The following MIPOL1 variants were observed in gnomAD, a reference collection of about 807,000 sequenced individuals.
The protein encoded by MIPOL1 is mirror-image polydactyly gene 1 protein.
A neutral mutation model predicts 60.9 loss-of-function variants in MIPOL1; 57 were observed. That is an observed-to-expected ratio of 0.94 (90% CI 0.76 to 1.17). The LOEUF is 1.17. MIPOL1 is among the 50% of genes most tolerant of loss of function. The probability of loss-of-function intolerance (pLI) is 0.00; values close to 1 mark genes in which losing one functional copy is unlikely to be tolerated. For missense variants in MIPOL1, 551 were observed against 511.6 expected, an observed-to-expected ratio of 1.08 and a Z score of -0.74; for synonymous variants, 179 against 168.8, an observed-to-expected ratio of 1.06 and a Z score of -0.47.
rs138252411 is a variant in MIPOL1, at chr14:37,233,111, G to A, written c.-198-13992G>A. Among the ~76,000 whole-genome samples the A allele has an allele frequency of 7.2e-5, 11 of 152,264 alleles. No individual in the cohort carries two copies. The East Asian group carries it at 7.7e-4, about 11-fold the overall frequency. On this transcript the variant is annotated intron_variant, in intron 1 of 12. Transcript: ENST00000684589. Reference sequence around the variant, plus strand: ...CTAGTGTCACTATTTGGGGTAACACGTGTATTTTATTGTGATGAAATGCTA... The same window carrying A: ...CTAGTGTCACTATTTGGGGTAACACATGTATTTTATTGTGATGAAATGCTA...
At chr14:37,249,748 A>C (rs1353890974) in intron 3 of MIPOL1, among the ~76,000 whole-genome samples, 1 of 152,166 alleles carries the variant, frequency 6.6e-6, no homozygotes, top group East Asian at 1.9e-4. Flanking sequence ...AGCTGTGTTT[A>C]TTCATTTATT....
intron 12 of MIPOL1, among the ~76,000 whole-genome samples, chr14:37,521,436 A>T (rs1434024076): frequency 6.6e-6 from 1 of 152,134 alleles, no homozygotes; most frequent in Non-Finnish European, 1.5e-5. Flanking sequence ...GATCAAATGA[A>T]CACAATTTAT....
At chr14:37,270,613 C>A in intron 6 of MIPOL1, 88 bp downstream of exon 6, 1 of 456,702 alleles carries the variant, frequency 2.2e-6, no homozygotes, top group Non-Finnish European at 3.5e-6. Context: ...AGCATACTGG[C>A]TTATTTGCCA....
At chr14:37,515,640 T>G (rs2095363674) in intron 12 of MIPOL1, among the ~76,000 whole-genome samples, 2 of 152,192 alleles carry the variant, frequency 1.3e-5, no homozygotes, top group Admixed American at 6.6e-5. Context: ...AAATCTTTCT[T>G]AAGTTAAACT....
intron 11 of MIPOL1, among the ~76,000 whole-genome samples, chr14:37,456,905 C>T (rs757437305): frequency 6.6e-5 from 10 of 152,024 alleles, no homozygotes; most frequent in Non-Finnish European, 1.0e-4. Flanking sequence ...AGACAACCTT[C>T]AAGGAATTGT....
chr14:37,374,241 G>T (rs1046256508), intron 10 of MIPOL1, among the ~76,000 whole-genome samples: 1 of 151,676 alleles, frequency 6.6e-6, no homozygotes, highest in African/African-American at 2.4e-5. Context: ...TTTGTTTTTC[G>T]GGGGGTAAAT....
At chr14:37,406,694 T>C (rs762930484) in intron 10 of MIPOL1, among the ~76,000 whole-genome samples, 2 of 152,106 alleles carry the variant, frequency 1.3e-5, no homozygotes, top group Non-Finnish European at 2.9e-5. Context: ...TTTTATTTCC[T>C]GAGAAAATGA....
intron 10 of MIPOL1, among the ~76,000 whole-genome samples, chr14:37,390,924 G>A (rs936926061): frequency 6.6e-6 from 1 of 151,926 alleles, no homozygotes; most frequent in Non-Finnish European, 1.5e-5. Flanking sequence ...AATTCTTGAA[G>A]CTCTTAAGTA....
At chr14:37,275,730 T>G (rs968903326) in intron 6 of MIPOL1, among the ~76,000 whole-genome samples, 1 of 151,196 alleles carries the variant, frequency 6.6e-6, no homozygotes, top group Non-Finnish European at 1.5e-5. Flanking sequence ...TTAAAATATT[T>G]GTATTTCTTT....
At chr14:37,199,844 G>A (rs901435373) in intron 1 of MIPOL1, among the ~76,000 whole-genome samples, 2 of 152,086 alleles carry the variant, frequency 1.3e-5, no homozygotes, top group Non-Finnish European at 2.9e-5. Context: ...TTTTTATTGC[G>A]TATATGCCTA....
intron 3 of MIPOL1, among the ~76,000 whole-genome samples, chr14:37,256,067 A>G (rs991828440): frequency 6.6e-6 from 1 of 151,916 alleles, no homozygotes; most frequent in Non-Finnish European, 1.5e-5. Context: ...ATAATTTGAT[A>G]CACTGTAAAA....
At chr14:37,365,120 G>A (rs1392681047) in intron 9 of MIPOL1, among the ~76,000 whole-genome samples, 1 of 152,036 alleles carries the variant, frequency 6.6e-6, no homozygotes, top group Non-Finnish European at 1.5e-5. Context: ...GAATCTTCAG[G>A]TTTTTCCAAA....
chr14:37,406,477 G>A (rs1595629381), intron 10 of MIPOL1, among the ~76,000 whole-genome samples: 1 of 152,212 alleles, frequency 6.6e-6, no homozygotes, highest in East Asian at 1.9e-4. Flanking sequence ...CGACTCAAGT[G>A]TAAAGGAGGG....
At chr14:37,473,653 C>A (rs1487606959) in intron 11 of MIPOL1, among the ~76,000 whole-genome samples, 1 of 152,144 alleles carries the variant, frequency 6.6e-6, no homozygotes, top group African/African-American at 2.4e-5. Context: ...ATAACCTCCC[C>A]AGCACACAGT....
intron 3 of MIPOL1, among the ~76,000 whole-genome samples, chr14:37,256,297 A>G (rs1223840661): frequency 6.6e-6 from 1 of 151,904 alleles, no homozygotes; most frequent in Non-Finnish European, 1.5e-5. Flanking sequence ...TTTTGGAAGA[A>G]AGAAATATGA....
At chr14:37,449,098 G>A (rs1446448578) in intron 11 of MIPOL1, among the ~76,000 whole-genome samples, 7 of 152,184 alleles carry the variant, frequency 4.6e-5, no homozygotes. Flanking sequence ...CGTCACTTGA[G>A]AAGTATTTTT....
chr14:37,525,618 A>C (rs1332291012), intron 12 of MIPOL1, among the ~76,000 whole-genome samples: 1 of 152,190 alleles, frequency 6.6e-6, no homozygotes, highest in Non-Finnish European at 1.5e-5. Flanking sequence ...GAATTTTCCA[A>C]ATCTTATAAA....
intron 7 of MIPOL1, among the ~76,000 whole-genome samples, chr14:37,299,964 G>A (rs569524489): frequency 1.3e-5 from 2 of 152,124 alleles, no homozygotes; most frequent in African/African-American, 4.8e-5. Flanking sequence ...TACACAGAAT[G>A]TTTCTCAATT....
At chr14:37,466,175 G>A (rs1318540205) in intron 11 of MIPOL1, among the ~76,000 whole-genome samples, 1 of 152,158 alleles carries the variant, frequency 6.6e-6, no homozygotes, top group African/African-American at 2.4e-5. Context: ...CCAGTCTAGT[G>A]TAGTGTTTAG....
Sources: allele counts gnomAD v4.1 joint callset (sites outside exome capture counted in the v4.1 genomes callset), GRCh38; gene constraint gnomAD v4.1.1; transcripts MANE v1.5; gene names NCBI Gene and HGNC (gene_info 2026-07-23, HGNC 2026-07-21).